CALD1: variants seen among roughly 807,000 people sequenced by gnomAD.
The protein encoded by CALD1 is caldesmon 1.
A neutral mutation model predicts 99.9 loss-of-function variants in CALD1; 33 were observed. That is an observed-to-expected ratio of 0.33 (90% CI 0.25 to 0.44). The LOEUF is 0.44. CALD1 is among the 20% of genes least tolerant of loss of function. CALD1 has a pLI of 1.00. For missense variants in CALD1, 861 were observed against 962.1 expected (o/e 0.89, Z 1.39); for synonymous variants, 310 against 325.0 (o/e 0.95, Z 0.50).
upstream of CALD1, chr7:134,744,118 G>T (rs1333175804): frequency 6.6e-6 from 1 of 152,216 alleles, no homozygotes; most frequent in East Asian, 1.9e-4. Flanking sequence ...GGGCCTCAAG[G>T]TTAAGCCCTT....
Position 134,933,302 on chromosome 7 carries a change from G to C in CALD1, c.533G>C (p.Arg178Thr). 2 of 1,604,454 alleles carry C rather than the reference G, an allele frequency of 1.2e-6. No individual in the cohort carries two copies. The highest frequency in any genetic ancestry group is 2.3e-5 in the East Asian group (1 of 43,954). ...AAGTCCTACCAGAAGAATGATTGGAGGGATGCTGAAGAAAACAAGAAAGAA... is the reference window on the plus strand; with the variant it reads ...AAGTCCTACCAGAAGAATGATTGGACGGATGCTGAAGAAAACAAGAAAGAA... ...VTKSYQKNDW[R>T]DAEENKKEDK... The change falls in exon 5 of 15, where the codon AGG (arginine) becomes ACG (threonine). Residue 178 changes from arginine to threonine, a missense_variant. Transcript: ENST00000361675.
intron 1 of CALD1, among the ~76,000 whole-genome samples, chr7:134,769,400 A>T (rs1796857885): frequency 6.6e-6 from 1 of 152,216 alleles, no homozygotes; most frequent in Non-Finnish European, 1.5e-5. Flanking sequence ...TACATCATCA[A>T]CAACGTTTAG....
At chr7:134,721,552 A>G in the CALD1 span, among the ~76,000 whole-genome samples, 1 of 151,882 alleles carries the variant, frequency 6.6e-6, no homozygotes, top group African/African-American at 2.4e-5. Flanking sequence ...TTACTGTTCT[A>G]CTATAGCAAA....
chr7:134,725,509 T>G, the CALD1 span, among the ~76,000 whole-genome samples: 1 of 152,246 alleles, frequency 6.6e-6, no homozygotes, highest in Admixed American at 6.5e-5. Flanking sequence ...AATATCACCC[T>G]TAGATTCTGT....
At position 134,918,305 on chromosome 7, in the gene CALD1, A is replaced by G. The variant is rs543336617; in HGVS notation, c.72-10449A>G. 2.8e-3 allele frequency among the ~76,000 whole-genome samples: 425 copies of G among 152,378 alleles called. 3 individuals carry two copies. The highest frequency in any genetic ancestry group is 9.8e-3 in the African/African-American group (407 of 41,598). On this transcript the variant is annotated intron_variant, in intron 3 of 14. Coordinates refer to ENST00000361675, the MANE Select transcript of CALD1 (RefSeq NM_033138.4). ...GCACCAATTGAAAAAGAAGTTAAAC[A>G]TCTATCCCATACAAATTATAATCTC...
At chr7:134,873,289 ATC>A (rs745698134) in intron 3 of CALD1, among the ~76,000 whole-genome samples, 11 of 151,438 alleles carry the variant, frequency 7.3e-5, no homozygotes, top group Admixed American at 4.6e-4. Flanking sequence ...CTCTGCCTTC[ATC>A]TCTGTTTTCC....
chr7:134,805,954 T>G (rs1266279454), intron 1 of CALD1, among the ~76,000 whole-genome samples: 4 of 151,412 alleles, frequency 2.6e-5, no homozygotes, highest in Admixed American at 6.6e-5. Context: ...AGAGATAGGG[T>G]TTCCCCATGT....
intron 2 of CALD1, among the ~76,000 whole-genome samples, chr7:134,848,323 C>T (rs756713414): frequency 3.9e-5 from 6 of 152,186 alleles, no homozygotes; most frequent in Non-Finnish European, 7.3e-5. Context: ...CACTCTAACA[C>T]CAGCCTCTAA....
chr7:134,750,915 T>C (rs1041469539), intron 1 of CALD1, among the ~76,000 whole-genome samples: 1 of 152,208 alleles, frequency 6.6e-6, no homozygotes, highest in African/African-American at 2.4e-5. Context: ...TATTGACATA[T>C]CATACCATTC....
intron 4 of CALD1, among the ~76,000 whole-genome samples, chr7:134,931,999 G>C (rs1038107327): frequency 1.3e-5 from 2 of 152,176 alleles, no homozygotes; most frequent in African/African-American, 4.8e-5. Flanking sequence ...CCAGCCACCT[G>C]TCTTCTTTTC....
At chr7:134,750,601 C>G (rs368559963) in intron 1 of CALD1, among the ~76,000 whole-genome samples, 1 of 152,176 alleles carries the variant, frequency 6.6e-6, no homozygotes, top group East Asian at 1.9e-4. Flanking sequence ...CCATTCCTAG[C>G]TATTAACAGA....
intron 11 of CALD1, among the ~76,000 whole-genome samples, chr7:134,958,887 A>AAC (rs772173971): frequency 3.1e-5 from 3 of 96,258 alleles, no homozygotes; most frequent in South Asian, 4.1e-4. Flanking sequence ...ATATATATAT[A>AAC]TATATATATA....
In CALD1 at chr7:134,912,744, AG is replaced by A. The variant is rs1803907501; in HGVS notation, c.72-16009del. On this transcript the variant is annotated intron_variant, in intron 3 of 14. Coordinates refer to ENST00000361675, the MANE Select transcript of CALD1 (RefSeq NM_033138.4). ...AAAAATCTCCCCAGTGAAGAATTTCAGTAGGTTTTGAAACTATTTATTTAAA... is the reference window on the plus strand; with the variant it reads ...AAAAATCTCCCCAGTGAAGAATTTCATAGGTTTTGAAACTATTTATTTAAA... Among the ~76,000 whole-genome samples, 2 of 152,264 alleles carry A rather than the reference AG, an allele frequency of 1.3e-5. 1 individual carries two copies. The highest frequency in any genetic ancestry group is 4.1e-4 in the South Asian group (2 of 4,838).
chr7:134,777,242 A>G (rs570975718), upstream of CALD1, among the ~76,000 whole-genome samples: 2 of 152,278 alleles, frequency 1.3e-5, no homozygotes, highest in African/African-American at 4.8e-5. Flanking sequence ...CATGGTACAC[A>G]CTACATGAAA....
At chr7:134,838,438 G>A (rs1292403857) in intron 1 of CALD1, among the ~76,000 whole-genome samples, 3 of 152,198 alleles carry the variant, frequency 2.0e-5, no homozygotes, top group East Asian at 3.8e-4. Flanking sequence ...AAGGTGGGTG[G>A]TTAAAAGTGA....
At chr7:134,904,828 C>T (rs1803255255) in intron 3 of CALD1, among the ~76,000 whole-genome samples, 1 of 152,064 alleles carries the variant, frequency 6.6e-6, no homozygotes, top group Non-Finnish European at 1.5e-5. Flanking sequence ...AGGGGATTAT[C>T]CTCTTCCACT....
intron 14 of CALD1, among the ~76,000 whole-genome samples, chr7:134,967,829 C>G (rs939184242): frequency 6.6e-6 from 1 of 152,036 alleles, no homozygotes; most frequent in Non-Finnish European, 1.5e-5. Context: ...TGAAAAAAAT[C>G]AGCAGAAGGA....
chr7:134,963,664 T>G lies in CALD1; in HGVS notation c.2296-1642T>G, dbSNP rs1033274949. On this transcript the variant is annotated intron_variant, in intron 13 of 14. Transcript: ENST00000361675. ...AATTTGGATCCTTATCCAAATGAAA[T>G]TAATTAGGAGGTAGTAAATAAAGAC... 2.0e-5 allele frequency among the ~76,000 whole-genome samples: 3 copies of G among 152,296 alleles called. No individual in the cohort carries two copies. In the South Asian group the frequency reaches 6.2e-4, roughly 32 times the overall value.
At chr7:134,711,676 ATATATGTG>A in the CALD1 span, among the ~76,000 whole-genome samples, 54 of 70,456 alleles carry the variant, frequency 7.7e-4, no homozygotes, top group Non-Finnish European at 1.0e-3. Flanking sequence ...ATATATATAT[ATATATGTG>A]TGTGTGTGTG....
Sources: allele counts gnomAD v4.1 joint callset (sites outside exome capture counted in the v4.1 genomes callset), GRCh38; gene constraint gnomAD v4.1.1; transcripts MANE v1.5; gene names NCBI Gene and HGNC (gene_info 2026-07-23, HGNC 2026-07-21).